Variants in DNAH10 observed in about 807,000 individuals in gnomAD.
DNAH10 encodes the protein dynein axonemal heavy chain 10.
A neutral mutation model predicts 506.6 loss-of-function variants in DNAH10; 348 were observed. The observed-to-expected ratio is 0.69, with a 90% CI of 0.63 to 0.75. DNAH10 has a LOEUF of 0.75. DNAH10 is among the 30% of genes least tolerant of loss of function. DNAH10 has a pLI of 0.00. For synonymous variants in DNAH10, 2,059 were observed against 2,198.6 expected (o/e 0.94, Z 1.78); for missense variants, 5,179 against 5,787.1 (o/e 0.89, Z 3.41).
intron 3 of DNAH10, among the ~76,000 whole-genome samples, chr12:123,772,105 G>A (rs1957273532): frequency 6.6e-6 from 1 of 152,166 alleles, no homozygotes; most frequent in Non-Finnish European, 1.5e-5. Flanking sequence ...GAGCCTTGCT[G>A]TCTGGGGTTT....
In DNAH10 at chr12:123,767,594, G is replaced by A. The variant is rs1378624423; in HGVS notation, c.215-12G>A. 1 of 1,608,972 alleles carries A rather than the reference G, an allele frequency of 6.2e-7. No individual in the cohort carries two copies. The highest frequency in any genetic ancestry group is 8.5e-7 in the Non-Finnish European group (1 of 1,176,936). On this transcript the variant is annotated splice_polypyrimidine_tract_variant and intron_variant, in intron 1 of 78. Transcript: ENST00000673944. ...CGTTTAATATTTTCTTCCCATTTAT[G>A]TGGCCATAAAGATGAGATACCTGTC...
intron 67 of DNAH10, 140 bp from the exon 68 acceptor site, chr12:123,924,910 C>G: frequency 9.1e-7 from 1 of 1,097,538 alleles, no homozygotes; most frequent in Middle Eastern, 2.9e-4. Flanking sequence ...TAGAGAATGA[C>G]AGATCTGACC....
intron 33 of DNAH10, 36 bp from the exon 34 acceptor site, chr12:123,848,694 A>G (rs777110607): frequency 6.2e-7 from 1 of 1,610,242 alleles, no homozygotes; most frequent in East Asian, 2.2e-5. Context: ...TTTAAAGATG[A>G]AAATTGCCCT....
chr12:123,870,460 CG>C lies in DNAH10; in HGVS notation c.7615del (p.Glu2539ArgfsTer52). 6.2e-7 allele frequency: 1 copy of C among 1,613,656 alleles called. No individual in the cohort carries two copies. Among genetic ancestry groups the C allele is most frequent in the Non-Finnish European group, 8.5e-7 (1 of 1,179,836 alleles). On this transcript the variant is annotated frameshift_variant, in exon 44 of 79. Transcript: ENST00000673944. LOFTEE classifies it high-confidence loss of function. Reference protein sequence around the residue: ...KLVPEYIHAPERKFINILVHT... With the variant: ...KLVPEYIHAPXRKFINILVHT... ...TAGTTCCAGAGTATATTCATGCCCC[CG>C]AGAGGAAATTCATCAACATCCTGGG...
At chr12:123,784,581 A>G (rs1167383735) in intron 8 of DNAH10, among the ~76,000 whole-genome samples, 1 of 152,214 alleles carries the variant, frequency 6.6e-6, no homozygotes, top group Non-Finnish European at 1.5e-5. Context: ...ATTGTGATAA[A>G]ATAGACATGA....
intron 52 of DNAH10, among the ~76,000 whole-genome samples, chr12:123,889,222 G>A (rs999159785): frequency 7.2e-5 from 11 of 152,110 alleles, no homozygotes; most frequent in Non-Finnish European, 1.5e-4. Flanking sequence ...TGCTCTCCCC[G>A]CTAAATGCTT....
chr12:123,887,100 C>A, intron 51 of DNAH10, 42 bp from the exon 52 acceptor site: 1 of 1,551,422 alleles, frequency 6.4e-7, no homozygotes, highest in South Asian at 1.2e-5. Flanking sequence ...GGAAGGGAGG[C>A]TGGTGGTGGT....
At chr12:123,807,633 G>A (rs1958730905) in intron 18 of DNAH10, among the ~76,000 whole-genome samples, 1 of 151,784 alleles carries the variant, frequency 6.6e-6, no homozygotes, top group African/African-American at 2.4e-5. Context: ...GGGTGGCAGG[G>A]GTGGATCAGG....
At chr12:123,804,771 C>T (rs1338646200) in intron 17 of DNAH10, 62 bp from the exon 18 acceptor site, 2 of 1,526,286 alleles carry the variant, frequency 1.3e-6, no homozygotes, top group Non-Finnish European at 1.8e-6. Context: ...GTTTGGATTG[C>T]CTTTTGAGTG....
At chr12:123,792,162 A>G (rs1370822853) in intron 11 of DNAH10, among the ~76,000 whole-genome samples, 2 of 152,198 alleles carry the variant, frequency 1.3e-5, no homozygotes, top group African/African-American at 2.4e-5. Flanking sequence ...TATTATGTCT[A>G]TGCAAATATT....
intron 32 of DNAH10, among the ~76,000 whole-genome samples, chr12:123,847,035 C>A (rs900466012): frequency 2.2e-4 from 33 of 152,072 alleles, no homozygotes; most frequent in Non-Finnish European, 2.2e-4. Context: ...GAAATAGAAC[C>A]AATAGGACAT....
intron 8 of DNAH10, among the ~76,000 whole-genome samples, chr12:123,784,748 C>A (rs2136035982): frequency 6.6e-6 from 1 of 152,298 alleles, no homozygotes; most frequent in African/African-American, 2.4e-5. Context: ...TTCTTCCTTA[C>A]CCTAAGTCCC....
rs191777081 is a variant in DNAH10 at position 123,844,244 on chromosome 12, T to C, written c.5361-1356T>C. Among the ~76,000 whole-genome samples the C allele has an allele frequency of 2.0e-5, 3 of 152,272 alleles. No individual in the cohort carries two copies. In the East Asian group the frequency reaches 5.8e-4, roughly 29 times the overall value. On this transcript the variant is annotated intron_variant, in intron 30 of 78. Transcript: ENST00000673944. ...CAGCATGGGGAAACCGCCCCCATGA[T>C]CCAGTCACCTCCCACCAGGTCCTTC...
At chr12:123,912,998 C>G (rs1324797513) in intron 59 of DNAH10, 100 bp from the exon 60 acceptor site, 1 of 1,130,808 alleles carries the variant, frequency 8.8e-7, no homozygotes, top group Admixed American at 2.5e-5. Flanking sequence ...AGCACAGACA[C>G]CATTAGAGCA....
intron 19 of DNAH10, among the ~76,000 whole-genome samples, chr12:123,811,754 C>T (rs1023559082): frequency 3.3e-5 from 5 of 152,072 alleles, no homozygotes; most frequent in African/African-American, 7.2e-5. Flanking sequence ...CCGCCCACCT[C>T]GGCCTCCCAA....
chr12:123,806,018 C>T lies in DNAH10; in HGVS notation c.2987+978C>T, dbSNP rs548193977. Among the ~76,000 whole-genome samples, 5 of 152,252 alleles carry T rather than the reference C, an allele frequency of 3.3e-5. No homozygotes were observed. In the South Asian group the frequency reaches 8.3e-4, roughly 25 times the overall value. ...GTCTTGATCTCCTGACCTCATGATC[C>T]GCCCGCGTTGGCCTCCCAAAGTGCT... On this transcript the variant is annotated intron_variant, in intron 18 of 78. Transcript: ENST00000673944.
rs185229927 is a variant in DNAH10, at chr12:123,826,428, A to T, written c.4180-259A>T. 2.9e-3 allele frequency among the ~76,000 whole-genome samples: 448 copies of T among 152,330 alleles called. 2 individuals are homozygous for T. Among genetic ancestry groups the T allele is most frequent in the African/African-American group, 0.01 (427 of 41,568 alleles). ...CTTTATACCTCTCACTTTTGTCTTTAGAAAGGGAAGATGTATTTCTGGATC... is the reference window on the plus strand; with the variant it reads ...CTTTATACCTCTCACTTTTGTCTTTTGAAAGGGAAGATGTATTTCTGGATC... On this transcript the variant is annotated intron_variant, in intron 24 of 78. Coordinates refer to ENST00000673944, the MANE Select transcript of DNAH10 (RefSeq NM_001372106.1).
At chr12:123,832,825 C>T (rs1012450587) in intron 26 of DNAH10, among the ~76,000 whole-genome samples, 3 of 152,158 alleles carry the variant, frequency 2.0e-5, no homozygotes, top group Admixed American at 2.0e-4. Flanking sequence ...GTCTGAGCCC[C>T]AGTTGCCATC....
chr12:123,801,047 T>G (rs993495661), intron 15 of DNAH10, among the ~76,000 whole-genome samples: 1 of 151,910 alleles, frequency 6.6e-6, no homozygotes, highest in Non-Finnish European at 1.5e-5. Context: ...AAAATAGGGA[T>G]CAACAATAGT....
Sources: gnomAD v4.1 joint callset for allele counts (sites outside exome capture counted in the v4.1 genomes callset) on GRCh38, gnomAD v4.1.1 for gene constraint, MANE v1.5 for transcripts, NCBI Gene and HGNC (gene_info 2026-07-23, HGNC 2026-07-21) for gene names.